MEN1: variants seen among roughly 807,000 people sequenced by gnomAD.
The protein encoded by MEN1 is menin.
Under a neutral mutation model 58.0 loss-of-function variants are expected in MEN1, and 6 were observed. The ratio of observed to expected loss-of-function variants is 0.10; its 90% CI spans 0.06 to 0.20. MEN1 has a LOEUF of 0.20. MEN1 is among the 10% of genes least tolerant of loss of function. The probability of loss-of-function intolerance (pLI) is 1.00; values close to 1 mark genes in which losing one functional copy is unlikely to be tolerated. For synonymous variants in MEN1, 346 were observed against 350.7 expected (o/e 0.99, Z 0.15); for missense variants, 492 against 818.5 (o/e 0.60, Z 4.87).
Position 64,805,631 on chromosome 11 carries a change from T to C in MEN1, c.1185+4A>G, listed in dbSNP as rs863224809. Reference sequence around the variant, plus strand: ...GGACACAGGCTGGAGCTCCAGCCTTTCACCTGGCTTTGCTCCCCCGGCCGC... The same window carrying C: ...GGACACAGGCTGGAGCTCCAGCCTTCCACCTGGCTTTGCTCCCCCGGCCGC... On this transcript the variant is annotated splice_donor_region_variant and intron_variant, in intron 8 of 9. Transcript: ENST00000450708. 3.1e-6 allele frequency: 5 copies of C among 1,613,404 alleles called. No individual in the cohort carries two copies. The highest frequency in any genetic ancestry group is 1.7e-5 in the Admixed American group (1 of 59,990).
In MEN1 at chr11:64,804,922, A is replaced by G; in HGVS notation, c.1351-106T>C. On this transcript the variant is annotated intron_variant, in intron 9 of 9. Transcript: ENST00000450708. This position sits in a 1 kb window ranked among gnomAD's most constrained non-coding sequence, Gnocchi z 4.2. ...ATCCCACCCAGGGGGTCTCAGTCCCATCGGCACCCAAGGGGATGGGCAGAT... is the reference window on the plus strand; with the variant it reads ...ATCCCACCCAGGGGGTCTCAGTCCCGTCGGCACCCAAGGGGATGGGCAGAT... 2 of 1,597,612 alleles carry G rather than the reference A, an allele frequency of 1.3e-6. No homozygotes were observed. The highest frequency in any genetic ancestry group is 1.7e-6 in the Non-Finnish European group (2 of 1,178,882).
chr11:64,810,346 C>A (rs1243689268), intron 1 of MEN1, 168 bp downstream of exon 1: 4 of 575,158 alleles, frequency 7.0e-6, no homozygotes, highest in African/African-American at 5.6e-5. Context: ...CCGGGACGCC[C>A]GGTACCCGAT....
At chr11:64,805,923 G>A in intron 7 of MEN1, 153 bp from the exon 8 acceptor site, 1 of 808,330 alleles carries the variant, frequency 1.2e-6, no homozygotes, top group South Asian at 1.5e-5. Context: ...CCCAGAGGAA[G>A]AAAGCAAGAA....
chr11:64,805,982 T>A, intron 7 of MEN1: 1 of 650,536 alleles, frequency 1.5e-6, no homozygotes, highest in Non-Finnish European at 2.7e-6. Context: ...TGCTGGATGA[T>A]GGTGGTTAAA....
At chr11:64,806,114 G>T in intron 7 of MEN1, 118 bp downstream of exon 7, 2 of 1,371,034 alleles carry the variant, frequency 1.5e-6, no homozygotes, top group South Asian at 1.2e-5. Context: ...GCTGCCTAGG[G>T]ACTGGATGGA....
Position 64,804,270 on chromosome 11 carries a change from CT to C in MEN1, c.*63del. 6.2e-7 allele frequency: 1 copy of C among 1,611,394 alleles called. No individual in the cohort carries two copies. Among genetic ancestry groups the C allele is most frequent in the Non-Finnish European group, 8.5e-7 (1 of 1,178,438 alleles). ...CTTTGGGCTGGGGGCAGAACATGGG[CT>C]CAGAGTTGGGGGACTAAGGGCGGAG... On this transcript the variant is annotated 3_prime_UTR_variant, in exon 10 of 10. Transcript: ENST00000450708. The surrounding 1 kb of genome is among the most constrained non-coding windows in gnomAD (Gnocchi z 4.2).
intron 7 of MEN1, 88 bp downstream of exon 7, chr11:64,806,144 G>T: frequency 6.5e-7 from 1 of 1,548,716 alleles, no homozygotes; most frequent in Non-Finnish European, 8.8e-7. Flanking sequence ...GGGCGTGGGA[G>T]CCAGGCCTCA....
In MEN1 at chr11:64,809,684, G is replaced by A. The variant is rs753252650; in HGVS notation, c.426C>T (p.Ser142=). The A allele has an allele frequency of 2.5e-6, 4 of 1,614,130 alleles. No homozygotes were observed. In the Admixed American group the frequency reaches 6.7e-5, roughly 27 times the overall value. The change falls in exon 2 of 10, where the codon TCC becomes TCT. Residue 142 remains serine (S), a synonymous_variant. Transcript: ENST00000450708. ...TCCAACCTGTGATGAAGCTGAAGAGGGACTGGATGTGGGCCCGATCCTTGA... is the reference window on the plus strand; with the variant it reads ...TCCAACCTGTGATGAAGCTGAAGAGAGACTGGATGTGGGCCCGATCCTTGA... ...SYFKDRAHIQ[S]LFSFITGTKL...
intron 7 of MEN1, 72 bp from the exon 8 acceptor site, chr11:64,805,842 G>A (rs950412922): frequency 3.5e-5 from 54 of 1,544,432 alleles, no homozygotes; most frequent in East Asian, 6.7e-5. Context: ...GGGACCTGGC[G>A]GGGGATGGAG....
chr11:64,810,569 G>A (rs1942062649), upstream of MEN1: 1 of 164,596 alleles, frequency 6.1e-6, no homozygotes, highest in African/African-American at 2.4e-5. Context: ...GGAGCCTGCT[G>A]GGACATGAAG....
In MEN1 at chr11:64,807,287, C is replaced by T; in HGVS notation, c.784-68G>A. On this transcript the variant is annotated intron_variant, in intron 4 of 9. Coordinates refer to ENST00000450708, the MANE Select transcript of MEN1 (RefSeq NM_001370259.2). This position sits in a 1 kb window ranked among gnomAD's most constrained non-coding sequence, Gnocchi z 4.9. ...GAGAACGGGTCCTTAGCCTATCGGGCAGAGGTGGGGGTCAGAACCAACAGG... is the reference window on the plus strand; with the variant it reads ...GAGAACGGGTCCTTAGCCTATCGGGTAGAGGTGGGGGTCAGAACCAACAGG... 6.4e-7 allele frequency: 1 copy of T among 1,556,964 alleles called. No individual in the cohort carries two copies. The highest frequency in any genetic ancestry group is 8.7e-7 in the Non-Finnish European group (1 of 1,146,856).
chr11:64,810,627 C>T (rs892783738), upstream of MEN1: 8 of 155,518 alleles, frequency 5.1e-5, no homozygotes, highest in Non-Finnish European at 1.1e-4. Flanking sequence ...AGTCTGGGCC[C>T]ACCCCTGCCC....
upstream of MEN1, chr11:64,810,803 T>C (rs1252634674): frequency 1.3e-5 from 2 of 152,086 alleles, no homozygotes; most frequent in Non-Finnish European, 2.9e-5. Context: ...GAAAATGTAG[T>C]CCGGGGGCAC....
At position 64,810,148 on chromosome 11, in the gene MEN1, G is replaced by A; in HGVS notation, c.-23-16C>T. 1 of 1,308,350 alleles carries A rather than the reference G, an allele frequency of 7.6e-7. No individual in the cohort carries two copies. The highest frequency in any genetic ancestry group is 1.0e-6 in the Non-Finnish European group (1 of 954,682). 81.0% of individuals were successfully genotyped at this position (1,308,350 alleles called of 1,614,324 possible). ...GGGCGGCGGCCTGCAAGGCAAGCCGGGGGAGGGAGGGTCGGGCAGGTTCGG... is the reference window on the plus strand; with the variant it reads ...GGGCGGCGGCCTGCAAGGCAAGCCGAGGGAGGGAGGGTCGGGCAGGTTCGG... On this transcript the variant is annotated splice_polypyrimidine_tract_variant and intron_variant, in intron 1 of 9. Transcript: ENST00000450708.
At chr11:64,806,062 C>A in intron 7 of MEN1, 170 bp downstream of exon 7, 1 of 803,954 alleles carries the variant, frequency 1.2e-6, no homozygotes, top group Non-Finnish European at 2.0e-6. Context: ...AAAGATGTGA[C>A]ACCTTAATCA....
At chr11:64,810,405 C>A (rs1330434418) in intron 1 of MEN1, 109 bp downstream of exon 1, 1 of 483,592 alleles carries the variant, frequency 2.1e-6, no homozygotes, top group African/African-American at 1.9e-5. Flanking sequence ...GCCGCCCCGC[C>A]CCCTCTCTAC....
intron 8 of MEN1, among the ~76,000 whole-genome samples, 196 bp downstream of exon 8, chr11:64,805,439 G>C (rs1382324392): frequency 6.6e-6 from 1 of 152,226 alleles, no homozygotes. Flanking sequence ...GCACAGGGTA[G>C]AAACCTCTAA....
At chr11:64,805,850 G>A in intron 7 of MEN1, 80 bp from the exon 8 acceptor site, 1 of 1,463,780 alleles carries the variant, frequency 6.8e-7, no homozygotes. Context: ...GCGGGGGATG[G>A]AGCCCCCAGG....
At chr11:64,809,223 C>T (rs1197723074) in intron 2 of MEN1, among the ~76,000 whole-genome samples, 1 of 145,958 alleles carries the variant, frequency 6.9e-6, no homozygotes, top group African/African-American at 2.5e-5. Context: ...ATGATCACAC[C>T]ACTGCACTCC....
Sources: gnomAD v4.1 joint callset for allele counts (sites outside exome capture counted in the v4.1 genomes callset) on GRCh38, gnomAD v4.1.1 for gene constraint, Gnocchi (gnomAD v3.1) non-coding constraint, MANE v1.5 for transcripts, NCBI Gene and HGNC (gene_info 2026-07-23, HGNC 2026-07-21) for gene names.